Variants in FBXL5 observed in about 807,000 individuals in gnomAD.
The protein encoded by FBXL5 is F-box/LRR-repeat protein 5.
FBXL5 carries 26 observed loss-of-function variants against 78.3 expected under a neutral mutation model. The observed-to-expected ratio is 0.33, with a 90% CI of 0.24 to 0.46. The LOEUF is 0.46. Among genes scored for constraint, FBXL5 ranks in the 20% least tolerant of loss-of-function variants. The probability of loss-of-function intolerance (pLI) is 1.00; values close to 1 mark genes in which losing one functional copy is unlikely to be tolerated. For missense variants in FBXL5, 710 were observed against 829.2 expected, an observed-to-expected ratio of 0.86 and a Z score of 1.77; for synonymous variants, 295 against 282.5, an observed-to-expected ratio of 1.04 and a Z score of -0.45.
intron 8 of FBXL5, 105 bp from the exon 9 acceptor site, chr4:15,626,082 A>G (rs1560219777): frequency 2.0e-6 from 2 of 1,009,448 alleles, no homozygotes; most frequent in South Asian, 1.8e-5. Context: ...GACATCTAAT[A>G]TAATCACTTA....
intron 9 of FBXL5, 144 bp downstream of exon 9, chr4:15,625,108 C>T: frequency 1.2e-6 from 1 of 859,948 alleles, no homozygotes; most frequent in Non-Finnish European, 1.7e-6. Flanking sequence ...TACACTGCTC[C>T]AAAACTCTGA....
intron 10 of FBXL5, among the ~76,000 whole-genome samples, 173 bp from the exon 11 acceptor site, chr4:15,605,972 G>A (rs1289219401): frequency 1.3e-5 from 2 of 152,144 alleles, no homozygotes; most frequent in Non-Finnish European, 2.9e-5. Context: ...CTCAATAGCA[G>A]CTTGACTTTA....
At chr4:15,657,244 T>TTTA (rs1219886411), upstream of FBXL5, among the ~76,000 whole-genome samples, 1 of 152,174 alleles carries the variant, frequency 6.6e-6, no homozygotes, top group East Asian at 1.9e-4. Flanking sequence ...GGTGAACCAG[T>TTTA]TATATAGAGA....
intron 4 of FBXL5, among the ~76,000 whole-genome samples, chr4:15,638,206 T>C (rs1034738697): frequency 6.6e-6 from 1 of 152,230 alleles, no homozygotes; most frequent in Non-Finnish European, 1.5e-5. Flanking sequence ...TGATCGATTT[T>C]GAGCAGGCCA....
chr4:15,620,899 T>TA (rs894505331), intron 9 of FBXL5, among the ~76,000 whole-genome samples: 1 of 152,260 alleles, frequency 6.6e-6, no homozygotes, highest in African/African-American at 2.4e-5. Flanking sequence ...TCTATTTCTT[T>TA]AAGTTGGCCC....
At chr4:15,646,942 G>T (rs992823399) in intron 1 of FBXL5, among the ~76,000 whole-genome samples, 2 of 151,952 alleles carry the variant, frequency 1.3e-5, no homozygotes, top group Non-Finnish European at 2.9e-5. Context: ...ATTGAAAAAG[G>T]CTGGGCATGG....
chr4:15,674,683 T>C (rs1191068224), intron 1 of FBXL5, among the ~76,000 whole-genome samples: 1 of 151,076 alleles, frequency 6.6e-6, no homozygotes, highest in Admixed American at 6.6e-5. Context: ...AGAGTCTCAC[T>C]CTGTCGCCCA....
chr4:15,636,871 T>G (rs1162638634), intron 4 of FBXL5, among the ~76,000 whole-genome samples, 195 bp from the exon 5 acceptor site: 1 of 152,214 alleles, frequency 6.6e-6, no homozygotes, highest in Non-Finnish European at 1.5e-5. Flanking sequence ...AGGGTTAAAC[T>G]ATCATGGCCC....
At chr4:15,677,200 T>G (rs1718025878) in intron 1 of FBXL5, among the ~76,000 whole-genome samples, 1 of 152,134 alleles carries the variant, frequency 6.6e-6, no homozygotes, top group African/African-American at 2.4e-5. Context: ...AAAGATACCT[T>G]TATGTTATGT....
At chr4:15,658,824 T>C (rs1010949604), upstream of FBXL5, among the ~76,000 whole-genome samples, 2 of 152,236 alleles carry the variant, frequency 1.3e-5, no homozygotes, top group African/African-American at 4.8e-5. Context: ...CTGGTAGAAG[T>C]GGCCCTTAAG....
In FBXL5 at chr4:15,636,456, A is replaced by C. The variant is rs749528755; in HGVS notation, c.766+38T>G. 4 of 1,440,418 alleles carry C rather than the reference A, an allele frequency of 2.8e-6. No homozygotes were observed. The Admixed American group carries it at 1.0e-4, about 36-fold the overall frequency. 89.2% of individuals were successfully genotyped at this position (1,440,418 alleles called of 1,614,324 possible). On this transcript the variant is annotated intron_variant, in intron 5 of 10. Transcript: ENST00000341285. The stretch of plus-strand genomic sequence containing the variant: ...TAATGTAAATGAATATTCATCTAGA[A>C]AAATACATGAAAATATTTTAAAAAC...
chr4:15,641,769 GTAA>G (rs1301618591), intron 2 of FBXL5: 2 of 349,412 alleles, frequency 5.7e-6, no homozygotes, highest in African/African-American at 4.3e-5. Context: ...GCTCATGCCT[GTAA>G]TCCCACCACT....
chr4:15,625,689 A>G lies in FBXL5; in HGVS notation c.1413T>C (p.Ser471=). The G allele has an allele frequency of 6.2e-6, 10 of 1,614,238 alleles. No individual in the cohort carries two copies. The highest frequency in any genetic ancestry group is 1.6e-4 in the Middle Eastern group (1 of 6,062). The change falls in exon 9 of 11, where the codon TCT becomes TCC. Residue 471 remains serine, a synonymous_variant. Coordinates refer to ENST00000341285, the MANE Select transcript of FBXL5 (RefSeq NM_012161.4). ...ACACATAAGGAGAAGTGAAATTCTCAGAAGAAACAGGCTTAGTCCAGGGGT... is the reference window on the plus strand; with the variant it reads ...ACACATAAGGAGAAGTGAAATTCTCGGAAGAAACAGGCTTAGTCCAGGGGT... The part of the protein sequence containing the change: ...NEHPWTKPVS[S]ENFTSPYVWM...
At chr4:15,648,632 T>C (rs1041745584) in intron 1 of FBXL5, among the ~76,000 whole-genome samples, 10 of 152,174 alleles carry the variant, frequency 6.6e-5, no homozygotes, top group African/African-American at 2.4e-4. Flanking sequence ...AGATAAATAA[T>C]GTATGATCTC....
intron 1 of FBXL5, among the ~76,000 whole-genome samples, chr4:15,670,635 C>T (rs1005716124): frequency 6.6e-6 from 1 of 151,952 alleles, no homozygotes; most frequent in African/African-American, 2.4e-5. Flanking sequence ...GCCCCTGGGC[C>T]CCTCCCCCCA....
intron 9 of FBXL5, among the ~76,000 whole-genome samples, chr4:15,619,783 G>A (rs1712294671): frequency 1.3e-5 from 2 of 152,218 alleles, no homozygotes; most frequent in South Asian, 4.1e-4. Context: ...GGGAGTTTGA[G>A]TTGAGCCTCA....
At chr4:15,664,251 A>T (rs2148781724), upstream of FBXL5, among the ~76,000 whole-genome samples, 1 of 152,262 alleles carries the variant, frequency 6.6e-6, no homozygotes, top group East Asian at 1.9e-4. Context: ...ACACTAATAC[A>T]GACCTAGTAT....
intron 10 of FBXL5, 46 bp from the exon 11 acceptor site, chr4:15,605,845 C>G (rs1179599178): frequency 6.8e-7 from 1 of 1,464,174 alleles, no homozygotes; most frequent in Non-Finnish European, 9.5e-7. Flanking sequence ...TCTTAGAGAT[C>G]ACATAAAAAT....
chr4:15,645,548 C>T (rs1360031224), intron 1 of FBXL5, among the ~76,000 whole-genome samples: 1 of 152,124 alleles, frequency 6.6e-6, no homozygotes. Flanking sequence ...CTGCCTCAGC[C>T]TCCTGAGTAG....
Sources: gnomAD v4.1 joint callset for allele counts (sites outside exome capture counted in the v4.1 genomes callset) on GRCh38, gnomAD v4.1.1 for gene constraint, MANE v1.5 for transcripts, NCBI Gene and HGNC (gene_info 2026-07-23, HGNC 2026-07-21) for gene names.